Variants in VAV3 observed in about 807,000 individuals in gnomAD.
The protein encoded by VAV3 is guanine nucleotide exchange factor VAV3.
A neutral mutation model predicts 131.2 loss-of-function variants in VAV3; 94 were observed. The observed-to-expected ratio is 0.72, with a 90% CI of 0.61 to 0.85. The LOEUF (loss-of-function observed/expected upper bound fraction) is 0.85. VAV3 is among the 40% of genes least tolerant of loss of function. The pLI, the probability that VAV3 is intolerant of heterozygous loss-of-function variation, is 0.00. For synonymous variants in VAV3, 349 were observed against 342.0 expected, an observed-to-expected ratio of 1.02 and a Z score of -0.22; for missense variants, 939 against 1,002.7, an observed-to-expected ratio of 0.94 and a Z score of 0.86.
chr1:107,803,581 A>C (rs1237938513), intron 2 of VAV3, among the ~76,000 whole-genome samples: 1 of 151,860 alleles, frequency 6.6e-6, no homozygotes, highest in Non-Finnish European at 1.5e-5. Flanking sequence ...CTTGTGATTG[A>C]TTTCTAGTTT....
rs1428016525 is a variant in VAV3, at chr1:107,903,611, C to T, written c.205-28594G>A. Among the ~76,000 whole-genome samples, 6 of 152,164 alleles carry T rather than the reference C, an allele frequency of 3.9e-5. No individual in the cohort carries two copies. The East Asian group carries it at 7.7e-4, about 20-fold the overall frequency. On this transcript the variant is annotated intron_variant, in intron 1 of 26. Coordinates refer to ENST00000370056, the MANE Select transcript of VAV3 (RefSeq NM_006113.5). Reference sequence around the variant, plus strand: ...GTAATAAGGGCATTCACCTAAGATACTCACTACAGAAGCTGAGTATGCATC... The same window carrying T: ...GTAATAAGGGCATTCACCTAAGATATTCACTACAGAAGCTGAGTATGCATC...
chr1:107,709,207 C>T (rs1366330619), intron 15 of VAV3, among the ~76,000 whole-genome samples: 1 of 152,156 alleles, frequency 6.6e-6, no homozygotes, highest in Admixed American at 6.6e-5. Flanking sequence ...TCCGCCTCCC[C>T]ACTGACCTGT....
At chr1:107,726,692 G>A (rs182521099) in intron 15 of VAV3, among the ~76,000 whole-genome samples, 46 of 152,192 alleles carry the variant, frequency 3.0e-4, no homozygotes, top group African/African-American at 1.1e-3. Context: ...TACCAACCTC[G>A]TTTCCTTTAT....
intron 4 of VAV3, 107 bp downstream of exon 4, chr1:107,777,124 A>G: frequency 1.0e-6 from 1 of 983,154 alleles, no homozygotes; most frequent in Non-Finnish European, 1.6e-6. Flanking sequence ...TCAGTAATTA[A>G]GCCACTTTTC....
chr1:107,668,803 T>A (rs1370440678), intron 19 of VAV3: 8 of 984,972 alleles, frequency 8.1e-6, no homozygotes, highest in Non-Finnish European at 9.6e-6. Context: ...TTAGCTTATA[T>A]TTTTAGGAGA....
intron 25 of VAV3, among the ~76,000 whole-genome samples, chr1:107,581,031 C>T (rs1028289965): frequency 2.0e-5 from 3 of 152,144 alleles, no homozygotes; most frequent in South Asian, 2.1e-4. Context: ...TATCATCTCC[C>T]GGACTCTTCA....
intron 2 of VAV3, among the ~76,000 whole-genome samples, chr1:107,787,630 C>T (rs559495414): frequency 9.8e-5 from 15 of 152,308 alleles, no homozygotes; most frequent in African/African-American, 2.9e-4. Context: ...ATCATCACAT[C>T]GTACTCCAGT....
chr1:107,771,771 G>A (rs1008380509), intron 5 of VAV3, among the ~76,000 whole-genome samples: 13 of 152,178 alleles, frequency 8.5e-5, no homozygotes, highest in African/African-American at 2.2e-4. Flanking sequence ...CTGCCCTTGC[G>A]GGAGACAGTG....
intron 2 of VAV3, among the ~76,000 whole-genome samples, chr1:107,873,945 A>G (rs1670367839): frequency 6.6e-6 from 1 of 152,188 alleles, no homozygotes; most frequent in African/African-American, 2.4e-5. Flanking sequence ...TCTCAAGTTT[A>G]TGCTGTTTAG....
At chr1:107,642,887 T>A in intron 19 of VAV3, 132 bp from the exon 20 acceptor site, 2 of 1,226,618 alleles carry the variant, frequency 1.6e-6, no homozygotes, top group Non-Finnish European at 2.2e-6. Flanking sequence ...ACATTTTAAG[T>A]AACTATAATA....
chr1:107,820,279 T>A (rs374141055), intron 2 of VAV3, among the ~76,000 whole-genome samples: 1 of 152,056 alleles, frequency 6.6e-6, no homozygotes, highest in Non-Finnish European at 1.5e-5. Flanking sequence ...TATTCGTCCA[T>A]AAAAAAATGA....
chr1:107,790,625 C>T (rs1220600114), intron 2 of VAV3, among the ~76,000 whole-genome samples: 1 of 141,918 alleles, frequency 7.0e-6, no homozygotes, highest in South Asian at 2.4e-4. Context: ...CATTTTCATA[C>T]AAAAGTACAA....
intron 2 of VAV3, among the ~76,000 whole-genome samples, chr1:107,809,385 C>A (rs76247618): frequency 0.014 from 2,199 of 152,198 alleles, 60 homozygotes; most frequent in African/African-American, 0.051. Flanking sequence ...AAGAAAAGAG[C>A]ATTACTGTAT....
chr1:107,595,044 T>G (rs1421853837), intron 25 of VAV3, among the ~76,000 whole-genome samples: 2 of 152,148 alleles, frequency 1.3e-5, no homozygotes, highest in Non-Finnish European at 2.9e-5. Flanking sequence ...TGGAGAAAAC[T>G]TCCATTTTTG....
chr1:107,713,476 A>T (rs1364862523), intron 15 of VAV3, among the ~76,000 whole-genome samples: 2 of 152,136 alleles, frequency 1.3e-5, no homozygotes, highest in Non-Finnish European at 2.9e-5. Context: ...CATAAGAAAA[A>T]AATGAACATC....
rs763990917 is a variant in VAV3 at position 107,602,449 on chromosome 1, G to A, written c.2168C>T (p.Thr723Ile). ...NNEAKHIKIL[T>I]RDGFFHIAEN... The stretch of plus-strand genomic sequence containing the variant: ...TGCAATGTGAAAAAAGCCATCTCTT[G>A]TTAAAATCTTGATGTGCTTTGCTTC... Residue 723 changes from threonine (T) to isoleucine (I), a missense_variant, in exon 24 of 27, where the codon ACA becomes ATA. By Grantham distance (89) the Thr-to-Ile change is moderately conservative (BLOSUM62 -1). Coordinates refer to ENST00000370056, the MANE Select transcript of VAV3 (RefSeq NM_006113.5). 6 of 1,574,246 alleles carry A rather than the reference G, an allele frequency of 3.8e-6. No individual in the cohort carries two copies. Among genetic ancestry groups the A allele is most frequent in the Non-Finnish European group, 5.1e-6 (6 of 1,167,344 alleles).
At position 107,642,663 on chromosome 1, in the gene VAV3, T is replaced by C. The variant is rs1225387693; in HGVS notation, c.1870A>G (p.Thr624Ala). 1.9e-6 allele frequency: 3 copies of C among 1,613,332 alleles called. No homozygotes were observed. Among genetic ancestry groups the C allele is most frequent in the East Asian group, 2.2e-5 (1 of 44,830 alleles). The change falls in exon 20 of 27, where the codon ACC becomes GCC. Residue 624 changes from threonine to alanine, a missense_variant. Thr to Ala is a moderately conservative substitution (Grantham distance 58). Coordinates refer to ENST00000370056, the MANE Select transcript of VAV3 (RefSeq NM_006113.5). ...GPPLQLQAGD[T>A]VELLKGDAHS... Reference sequence around the variant, plus strand: ...GCATCTCCTTTCAGAAGTTCAACGGTATCCCCGGCCTGGAGCTGTAAAGGG... The same window carrying C: ...GCATCTCCTTTCAGAAGTTCAACGGCATCCCCGGCCTGGAGCTGTAAAGGG...
Position 107,766,534 on chromosome 1 carries a change from T to C in VAV3, c.734A>G (p.His245Arg). 1 of 1,613,240 alleles carries C rather than the reference T, an allele frequency of 6.2e-7. No individual in the cohort carries two copies. Among genetic ancestry groups the C allele is most frequent in the South Asian group, 1.1e-5 (1 of 90,932 alleles). The change falls in exon 8 of 27, where the codon CAT becomes CGT. Residue 245 changes from histidine (H) to arginine (R), a missense_variant. Coordinates refer to ENST00000370056, the MANE Select transcript of VAV3 (RefSeq NM_006113.5). Reference sequence around the variant, plus strand: ...ATGAATCTCTTGCATTAGGTTCCGATGAAGTTTTACAAGTTCCTAAGAAAA... The same window carrying C: ...ATGAATCTCTTGCATTAGGTTCCGACGAAGTTTTACAAGTTCCTAAGAAAA... ...FINIPELVKLHRNLMQEIHDS... is the reference protein window; with the variant it reads ...FINIPELVKLRRNLMQEIHDS...
chr1:107,598,801 T>TACACACACACACACACAC lies in VAV3; in HGVS notation c.2221-2478_2221-2461dup, dbSNP rs35317053. The stretch of plus-strand genomic sequence containing the variant: ...GCAAAATTTTGTGAGGTCTCTGGAA[T>TACACACACACACACACAC]ACACACACACACACACACACACGTA... On this transcript the variant is annotated intron_variant, in intron 24 of 26. Transcript: ENST00000370056. Among the ~76,000 whole-genome samples, 40 of 149,972 alleles carry TACACACACACACACACAC rather than the reference T, an allele frequency of 2.7e-4. No homozygotes were observed. The South Asian group carries it at 3.4e-3, about 13-fold the overall frequency.
Sources: allele counts gnomAD v4.1 joint callset (sites outside exome capture counted in the v4.1 genomes callset), GRCh38; gene constraint gnomAD v4.1.1; transcripts MANE v1.5; gene names NCBI Gene and HGNC (gene_info 2026-07-23, HGNC 2026-07-21).